Variants in FXR1 observed in about 807,000 individuals in gnomAD.
The protein encoded by FXR1 is RNA-binding protein FXR1.
FXR1 carries 15 observed loss-of-function variants against 84.0 expected under a neutral mutation model. That is an observed-to-expected ratio of 0.18 (90% CI 0.12 to 0.27). The LOEUF is 0.27. Ranked by LOEUF, FXR1 falls within the 10% of genes least tolerant of loss-of-function variation. FXR1 has a pLI of 1.00. For missense variants in FXR1, 480 were observed against 774.4 expected (o/e 0.62, Z 4.51); for synonymous variants, 245 against 250.7 (o/e 0.98, Z 0.21).
intron 1 of FXR1, chr3:180,915,670 G>A (rs761383900): frequency 1.1e-5 from 8 of 702,190 alleles, no homozygotes; most frequent in South Asian, 3.0e-5. Flanking sequence ...CTCTTACCCC[G>A]TATAGGCAGA....
chr3:180,946,620 T>C (rs1327606683), intron 3 of FXR1, among the ~76,000 whole-genome samples: 3 of 152,224 alleles, frequency 2.0e-5, no homozygotes, highest in African/African-American at 7.2e-5. Flanking sequence ...TTCCTGCTTT[T>C]TCTCATAGCT....
Position 180,982,271 on chromosome 3 carries a change from T to C in FXR1, c.*5979T>C, listed in dbSNP as rs1805633. The C allele has an allele frequency of 1.3e-5, 2 of 152,128 alleles. No individual in the cohort carries two copies. Among genetic ancestry groups the C allele is most frequent in the East Asian group, 3.8e-4 (2 of 5,204 alleles). 9.4% of individuals were successfully genotyped at this position (152,128 alleles called of 1,614,324 possible). A position where few individuals can be genotyped will look rare whatever the true frequency, so the allele number is the denominator to read the frequency against. ...TACTCAAATGTTACAGATCCAAGTA[T>C]TTTGTAAGAAAATACCAGCAAAAGA... is the stretch of plus-strand genomic sequence containing the variant. On this transcript the variant is annotated 3_prime_UTR_variant, in exon 17 of 17. Coordinates refer to ENST00000357559, the MANE Select transcript of FXR1 (RefSeq NM_005087.4).
In FXR1 at chr3:180,977,396, C is replaced by A. The variant is rs540166845; in HGVS notation, c.*1104C>A. ...ATACATGTGATAATTAGCAAAAAAA[C>A]CTAACAAAATTCTAATCAAAGGCAA... On this transcript the variant is annotated 3_prime_UTR_variant, in exon 17 of 17. Transcript: ENST00000357559. The A allele has an allele frequency of 5.9e-5, 9 of 151,834 alleles. No homozygotes were observed. The highest frequency in any genetic ancestry group is 2.1e-4 in the South Asian group (1 of 4,818). 9.4% of individuals were successfully genotyped at this position (151,834 alleles called of 1,614,324 possible).
At chr3:180,924,668 T>TGG (rs1718960632) in intron 1 of FXR1, among the ~76,000 whole-genome samples, 1 of 152,040 alleles carries the variant, frequency 6.6e-6, no homozygotes, top group East Asian at 1.9e-4. Flanking sequence ...ATTTTTGTAT[T>TGG]TTTAGTAGAG....
intron 13 of FXR1, among the ~76,000 whole-genome samples, chr3:180,964,577 A>G (rs938682485): frequency 1.3e-5 from 2 of 151,804 alleles, no homozygotes; most frequent in Admixed American, 1.3e-4. Context: ...TGAAATAGTT[A>G]CTGAACCTGA....
At chr3:180,917,592 G>A (rs1305822501) in intron 1 of FXR1, among the ~76,000 whole-genome samples, 3 of 152,118 alleles carry the variant, frequency 2.0e-5, no homozygotes, top group East Asian at 3.9e-4. Flanking sequence ...GTTGCAAAAC[G>A]TGGAGGGGAA....
In FXR1 at chr3:180,949,246, T is replaced by C; in HGVS notation, c.533T>C (p.Val178Ala). Residue 178 changes from valine (V) to alanine (A), a missense_variant, in exon 7 of 17, where the codon GTG becomes GCG. Transcript: ENST00000357559. ...TTATAGTCTGCCAGTGAAGCAACTGTGAAGAGAGTAAACATCTTAAGTGAC... is the reference window on the plus strand; with the variant it reads ...TTATAGTCTGCCAGTGAAGCAACTGCGAAGAGAGTAAACATCTTAAGTGAC... ...LMILSASEAT[V>A]KRVNILSDMH... 1 of 1,583,156 alleles carries C rather than the reference T, an allele frequency of 6.3e-7. No homozygotes were observed. Among genetic ancestry groups the C allele is most frequent in the Non-Finnish European group, 8.7e-7 (1 of 1,151,742 alleles).
At chr3:180,968,011 T>A in intron 13 of FXR1, 40 bp from the exon 14 acceptor site, 1 of 1,301,850 alleles carries the variant, frequency 7.7e-7, no homozygotes, top group Non-Finnish European at 1.1e-6. Context: ...AAAGGCTTTT[T>A]ATAGAAATCT....
At chr3:180,953,863 A>T in intron 9 of FXR1, 23 bp downstream of exon 9, 1 of 1,155,510 alleles carries the variant, frequency 8.7e-7, no homozygotes. Flanking sequence ...ACTAAATGTT[A>T]AATAAGTTAA....
At position 180,980,170 on chromosome 3, in the gene FXR1, A is replaced by G. The variant is rs1714542696; in HGVS notation, c.*3878A>G. On this transcript the variant is annotated 3_prime_UTR_variant, in exon 17 of 17. Coordinates refer to ENST00000357559, the MANE Select transcript of FXR1 (RefSeq NM_005087.4). ...TCAGACCCTGAGCAACACCTAACCA[A>G]ATGCCCAAGTATTCTCATAAGGAGT... 6.6e-6 allele frequency: 1 copy of G among 152,036 alleles called. No individual in the cohort carries two copies. The highest frequency in any genetic ancestry group is 1.5e-5 in the Non-Finnish European group (1 of 67,950). 9.4% of individuals were successfully genotyped at this position (152,036 alleles called of 1,614,324 possible).
At chr3:180,928,000 G>T (rs1719431502) in intron 1 of FXR1, among the ~76,000 whole-genome samples, 1 of 151,806 alleles carries the variant, frequency 6.6e-6, no homozygotes. Context: ...CAAACTTTGT[G>T]GCTTTTGGGT....
At chr3:180,966,025 A>C (rs1218598847) in intron 13 of FXR1, among the ~76,000 whole-genome samples, 1 of 152,136 alleles carries the variant, frequency 6.6e-6, no homozygotes, top group East Asian at 1.9e-4. Flanking sequence ...GAATTTTGGT[A>C]ATGTTTTCAG....
intron 1 of FXR1, among the ~76,000 whole-genome samples, chr3:180,932,094 CTTT>C (rs1406664706): frequency 2.9e-5 from 1 of 34,610 alleles, no homozygotes; most frequent in African/African-American, 8.5e-5. Context: ...AAAAAAACAA[CTTT>C]TTTGTTGTTG....
Position 180,949,356 on chromosome 3 carries a change from A to G in FXR1, c.630+13A>G. The G allele has an allele frequency of 1.7e-6, 2 of 1,194,826 alleles. No homozygotes were observed. Among genetic ancestry groups the G allele is most frequent in the South Asian group, 2.4e-5 (2 of 82,784 alleles). 74.0% of individuals were successfully genotyped at this position (1,194,826 alleles called of 1,614,324 possible). A position where few individuals can be genotyped will look rare whatever the true frequency, so the allele number is the denominator to read the frequency against. On this transcript the variant is annotated intron_variant, in intron 7 of 16. Coordinates refer to ENST00000357559, the MANE Select transcript of FXR1 (RefSeq NM_005087.4). Reference sequence around the variant, plus strand: ...TAAGCATTTAGAAGTAAGTGGGTTTACTTACAAAAGAGTTTTCTGTGTCCC... The same window carrying G: ...TAAGCATTTAGAAGTAAGTGGGTTTGCTTACAAAAGAGTTTTCTGTGTCCC...
chr3:180,916,627 C>G (rs985488871), intron 1 of FXR1, among the ~76,000 whole-genome samples: 21 of 152,112 alleles, frequency 1.4e-4, no homozygotes, highest in Non-Finnish European at 4.4e-5. Context: ...AGGCTGGCCT[C>G]GAACTCCTGA....
intron 3 of FXR1, among the ~76,000 whole-genome samples, chr3:180,936,225 C>T (rs1368128705): frequency 1.3e-5 from 2 of 151,966 alleles, no homozygotes; most frequent in Non-Finnish European, 2.9e-5. Flanking sequence ...ATATTCTGTA[C>T]TAAGCACTTT....
At chr3:180,914,295 A>G (rs1017958491) in intron 1 of FXR1, among the ~76,000 whole-genome samples, 5 of 152,184 alleles carry the variant, frequency 3.3e-5, no homozygotes, top group African/African-American at 9.7e-5. Flanking sequence ...TTCGCTGGGT[A>G]AGACGGCGAA....
Position 180,970,244 on chromosome 3 carries a change from C to T in FXR1, c.1489C>T (p.His497Tyr). The T allele has an allele frequency of 1.2e-6, 2 of 1,600,240 alleles. No individual in the cohort carries two copies. Among genetic ancestry groups the T allele is most frequent in the Non-Finnish European group, 1.7e-6 (2 of 1,167,552 alleles). ...TGCAGACACTGATGCCAGCGAATCT[C>T]ATCACAGTACTAACCGTCGTAGGCG... is the stretch of plus-strand genomic sequence containing the variant. The part of the protein sequence containing the change: ...QTADTDASES[H>Y]HSTNRRRRSR... Residue 497 changes from histidine (H) to tyrosine (Y), a missense_variant, in exon 15 of 17, where the codon CAT becomes TAT. Around this residue, in one of 6 missense-constraint regions of FXR1, gnomAD observed 157 missense variants for 227.8 expected, o/e 0.69. Transcript: ENST00000357559.
chr3:180,970,391 T>C lies in FXR1; in HGVS notation c.1603+33T>C, dbSNP rs564355162. On this transcript the variant is annotated intron_variant, in intron 15 of 16. Transcript: ENST00000357559. ...AGCACTTAGGGAAGAGAAATATATA[T>C]ATATATATATATATATATATATATA... 1.1e-3 allele frequency: 270 copies of C among 238,840 alleles called. 7 individuals are homozygous for C. The South Asian group carries it at 0.029, about 25-fold the overall frequency. 14.8% of individuals were successfully genotyped at this position (238,840 alleles called of 1,614,324 possible).
Sources: gnomAD v4.1 joint callset for allele counts (sites outside exome capture counted in the v4.1 genomes callset) on GRCh38, gnomAD v4.1.1 for gene constraint, gnomAD v4.1.1 regional missense constraint, MANE v1.5 for transcripts, NCBI Gene and HGNC (gene_info 2026-07-23, HGNC 2026-07-21) for gene names.